CCND2: variants seen among roughly 807,000 people sequenced by gnomAD.
CCND2 encodes G1/S-specific cyclin-D2.
Under a neutral mutation model 30.2 loss-of-function variants are expected in CCND2, and 6 were observed. The ratio of observed to expected loss-of-function variants is 0.20; its 90% CI spans 0.11 to 0.39. CCND2 has a LOEUF of 0.39. Ranked by LOEUF, CCND2 falls within the 10% of genes least tolerant of loss-of-function variation. CCND2 has a pLI of 1.00. For synonymous variants in CCND2, 150 were observed against 153.1 expected (o/e 0.98, Z 0.15); for missense variants, 235 against 373.4 (o/e 0.63, Z 3.06).
chr12:4,297,230 G>T (rs1864182327), intron 4 of CCND2, among the ~76,000 whole-genome samples: 1 of 152,060 alleles, frequency 6.6e-6, no homozygotes, highest in Non-Finnish European at 1.5e-5. Context: ...AGATTATTAG[G>T]ATTTAAGGTT....
chr12:4,299,309 G>A lies in CCND2; in HGVS notation c.721-551G>A, dbSNP rs1414341677. On this transcript the variant is annotated intron_variant, in intron 4 of 4. Coordinates refer to ENST00000261254, the MANE Select transcript of CCND2 (RefSeq NM_001759.4). This position sits in a 1 kb window ranked among gnomAD's most constrained non-coding sequence, Gnocchi z 5.2. ...CGGAAGGTGGAGGTTGCAGTGAGCC[G>A]AGATTGTGCCAGTGCACTCCAGCCT... Among the ~76,000 whole-genome samples, 8 of 152,186 alleles carry A rather than the reference G, an allele frequency of 5.3e-5. No homozygotes were observed. Among genetic ancestry groups the A allele is most frequent in the Admixed American group, 3.3e-4 (5 of 15,284 alleles).
rs1424002306 is a variant in CCND2, at chr12:4,303,048, A to G, written c.*3039A>G. The stretch of plus-strand genomic sequence containing the variant: ...AGCCTAAAGAGAAACCGAGGTGCAA[A>G]TTCATTTCATGGTGACTGACCCTTG... On this transcript the variant is annotated 3_prime_UTR_variant, in exon 5 of 5. Coordinates refer to ENST00000261254, the MANE Select transcript of CCND2 (RefSeq NM_001759.4). This position sits in a 1 kb window ranked among gnomAD's most constrained non-coding sequence, Gnocchi z 4.6. 4.3e-6 allele frequency: 1 copy of G among 233,184 alleles called. No individual in the cohort carries two copies. The allele number at this position is 233,184 out of a possible 1,614,324, so 14.4% of individuals were successfully genotyped here.
In CCND2 at chr12:4,305,266, T is replaced by C. The variant is rs538924803; in HGVS notation, c.*5257T>C. ...GTGATTTAAAAAAATAATAACCTGT[T>C]TTCTGACTAGTTTAAAGATGGATTT... On this transcript the variant is annotated 3_prime_UTR_variant, in exon 5 of 5. Coordinates refer to ENST00000261254, the MANE Select transcript of CCND2 (RefSeq NM_001759.4). This position sits in a 1 kb window ranked among gnomAD's most constrained non-coding sequence, Gnocchi z 6.4. 8.6e-6 allele frequency: 2 copies of C among 231,590 alleles called. No individual in the cohort carries two copies. Among genetic ancestry groups the C allele is most frequent in the Admixed American group, 1.1e-4 (2 of 17,764 alleles). The allele number at this position is 231,590 out of a possible 1,614,324, so 14.3% of individuals were successfully genotyped here. A position where few individuals can be genotyped will look rare whatever the true frequency, so the allele number is the denominator to read the frequency against.
rs953193727 is a variant in CCND2, at chr12:4,287,770, G to C, written c.572-1072G>C. ...ATGTGGTGGTCATTGGTAGCTGTCA[G>C]CAGCTGTAACAGGAGAAGTTGGCTG... On this transcript the variant is annotated intron_variant, in intron 3 of 4. Transcript: ENST00000261254. This position sits in a 1 kb window ranked among gnomAD's most constrained non-coding sequence, Gnocchi z 4.0. Among the ~76,000 whole-genome samples the C allele has an allele frequency of 6.6e-6, 1 of 152,236 alleles. No individual in the cohort carries two copies. Among genetic ancestry groups the C allele is most frequent in the African/African-American group, 2.4e-5 (1 of 41,456 alleles).
At position 4,274,061 on chromosome 12, in the gene CCND2, G is replaced by C; in HGVS notation, c.21G>C (p.Glu7Asp). The change falls in exon 1 of 5, where the codon GAG (glutamate) becomes GAC (aspartate). Residue 7 changes from glutamate (E) to aspartate (D), a missense_variant. Coordinates refer to ENST00000261254, the MANE Select transcript of CCND2 (RefSeq NM_001759.4). The surrounding 1 kb of genome is among the most constrained non-coding windows in gnomAD (Gnocchi z 7.7). MELLCH[E>D]VDPVRRAVRD... ...TGGCCATGGAGCTGCTGTGCCACGA[G>C]GTGGACCCGGTCCGCAGGGCCGTGC... 1 of 1,612,462 alleles carries C rather than the reference G, an allele frequency of 6.2e-7. No homozygotes were observed. The highest frequency in any genetic ancestry group is 8.5e-7 in the Non-Finnish European group (1 of 1,179,424).
chr12:4,300,852 C>G lies in CCND2; in HGVS notation c.*843C>G, dbSNP rs1207229669. The G allele has an allele frequency of 1.7e-5, 4 of 233,546 alleles. No homozygotes were observed. Among genetic ancestry groups the G allele is most frequent in the Admixed American group, 5.6e-5 (1 of 17,778 alleles). 14.5% of individuals were successfully genotyped at this position (233,546 alleles called of 1,614,324 possible). The stretch of plus-strand genomic sequence containing the variant: ...GGTGGGATCCAGAATGGAGTCTTTT[C>G]TGTTATTGTATTTAAAAGGGTAATG... On this transcript the variant is annotated 3_prime_UTR_variant, in exon 5 of 5. Coordinates refer to ENST00000261254, the MANE Select transcript of CCND2 (RefSeq NM_001759.4).
intron 4 of CCND2, 60 bp downstream of exon 4, chr12:4,289,050 G>A: frequency 1.4e-6 from 2 of 1,480,318 alleles, no homozygotes; most frequent in South Asian, 2.6e-5. Flanking sequence ...CAGGGAAGGA[G>A]ACGACGGATT....
intron 3 of CCND2, among the ~76,000 whole-genome samples, 158 bp from the exon 4 acceptor site, chr12:4,288,684 T>C (rs1333399561): frequency 6.6e-6 from 1 of 152,146 alleles, no homozygotes; most frequent in African/African-American, 2.4e-5. Context: ...AAACACAGGC[T>C]CCTTGTGAAA....
chr12:4,302,536 C>T lies in CCND2; in HGVS notation c.*2527C>T, dbSNP rs1455971664. On this transcript the variant is annotated 3_prime_UTR_variant, in exon 5 of 5. Transcript: ENST00000261254. The stretch of plus-strand genomic sequence containing the variant: ...TGCAGGTTTCCTAGGTCTGAATCTG[C>T]GAGTAGATGAACCTGCAGCAAGCAG... 2 of 232,744 alleles carry T rather than the reference C, an allele frequency of 8.6e-6. No individual in the cohort carries two copies. The highest frequency in any genetic ancestry group is 2.2e-5 in the African/African-American group (1 of 45,294). 14.4% of individuals were successfully genotyped at this position (232,744 alleles called of 1,614,324 possible). A position where few individuals can be genotyped will look rare whatever the true frequency, so the allele number is the denominator to read the frequency against.
chr12:4,305,070 A>G lies in CCND2; in HGVS notation c.*5061A>G, dbSNP rs189733699. 2.6e-5 allele frequency: 6 copies of G among 231,742 alleles called. No homozygotes were observed. The highest frequency in any genetic ancestry group is 1.2e-4 in the East Asian group (2 of 16,458). 14.4% of individuals were successfully genotyped at this position (231,742 alleles called of 1,614,324 possible). A position where few individuals can be genotyped will look rare whatever the true frequency, so the allele number is the denominator to read the frequency against. On this transcript the variant is annotated 3_prime_UTR_variant, in exon 5 of 5. Transcript: ENST00000261254. The surrounding 1 kb of genome is among the most constrained non-coding windows in gnomAD (Gnocchi z 6.4). ...ATGTTATTCTCTCACAGTGTACTCT[A>G]TAAGAGGTGTGGGTGTCTGTTTGGT...
chr12:4,291,235 T>TGTGTGTGTGTG (rs1555088220), intron 4 of CCND2, among the ~76,000 whole-genome samples: 1 of 11,850 alleles, frequency 8.4e-5, no homozygotes, highest in African/African-American at 1.9e-4. Context: ...GTGTGTGTGT[T>TGTGTGTGTGTG]TATGCACCTT....
chr12:4,277,144 G>A (rs947284084), intron 2 of CCND2, among the ~76,000 whole-genome samples: 3 of 152,232 alleles, frequency 2.0e-5, no homozygotes, highest in African/African-American at 7.2e-5. Flanking sequence ...GCACAAGGTT[G>A]GGGGAGGAAT....
In CCND2 at chr12:4,274,325, C is replaced by A. The variant is rs1467133765; in HGVS notation, c.195+90C>A. ...AGCCCTAAACCTGGGAGAGGGCAAT[C>A]CCCGCGCCGGCCTCCCGGCTCCTGT... is the stretch of plus-strand genomic sequence containing the variant. On this transcript the variant is annotated intron_variant, in intron 1 of 4. Coordinates refer to ENST00000261254, the MANE Select transcript of CCND2 (RefSeq NM_001759.4). This position sits in a 1 kb window ranked among gnomAD's most constrained non-coding sequence, Gnocchi z 7.7. 2.2e-6 allele frequency: 3 copies of A among 1,393,966 alleles called. No homozygotes were observed. The highest frequency in any genetic ancestry group is 2.9e-5 in the African/African-American group (2 of 70,010). The allele number at this position is 1,393,966 out of a possible 1,614,324, so 86.3% of individuals were successfully genotyped here.
intron 4 of CCND2, chr12:4,297,886 G>T (rs1198806874): frequency 2.2e-6 from 1 of 446,884 alleles, no homozygotes; most frequent in Non-Finnish European, 4.5e-6. Context: ...GTGGCACGGA[G>T]ACTCCTGCTG....
In CCND2 at chr12:4,301,392, A is replaced by C. The variant is rs530978395; in HGVS notation, c.*1383A>C. ...ATTGTTGTTGTTAATTTTATTGCAA[A>C]GTTGTATTCAGCGTACTTGAATTTT... is the stretch of plus-strand genomic sequence containing the variant. On this transcript the variant is annotated 3_prime_UTR_variant, in exon 5 of 5. Coordinates refer to ENST00000261254, the MANE Select transcript of CCND2 (RefSeq NM_001759.4). 8.6e-6 allele frequency: 2 copies of C among 232,196 alleles called. No homozygotes were observed. Among genetic ancestry groups the C allele is most frequent in the Non-Finnish European group, 1.7e-5 (2 of 117,788 alleles). The allele number at this position is 232,196 out of a possible 1,614,324, so 14.4% of individuals were successfully genotyped here.
chr12:4,276,929 G>C lies in CCND2; in HGVS notation c.411+709G>C, dbSNP rs1039623777. ...CGACCATATTGCAGCTGTACCGCAT[G>C]GAATAGCGGCTCCAAGGCCCACCTT... On this transcript the variant is annotated intron_variant, in intron 2 of 4. Transcript: ENST00000261254. This position sits in a 1 kb window ranked among gnomAD's most constrained non-coding sequence, Gnocchi z 4.8. Among the ~76,000 whole-genome samples the C allele has an allele frequency of 6.6e-6, 1 of 152,216 alleles. No homozygotes were observed. Among genetic ancestry groups the C allele is most frequent in the Non-Finnish European group, 1.5e-5 (1 of 68,042 alleles).
intron 3 of CCND2, among the ~76,000 whole-genome samples, chr12:4,283,677 A>G (rs1022436759): frequency 6.6e-6 from 1 of 152,258 alleles, no homozygotes; most frequent in Non-Finnish European, 1.5e-5. Context: ...CTGTGGGTCC[A>G]GCTGGGATTC....
chr12:4,290,913 C>T (rs1309167902), intron 4 of CCND2, among the ~76,000 whole-genome samples: 5 of 152,188 alleles, frequency 3.3e-5, no homozygotes, highest in Admixed American at 3.3e-4. Flanking sequence ...GGGGTGTCCT[C>T]CTATAAATCC....
At chr12:4,277,490 G>A (rs1863890648) in intron 2 of CCND2, among the ~76,000 whole-genome samples, 1 of 152,204 alleles carries the variant, frequency 6.6e-6, no homozygotes. Flanking sequence ...GAGAGAGCAG[G>A]AAAAATCATC....
Sources: allele counts gnomAD v4.1 joint callset (sites outside exome capture counted in the v4.1 genomes callset), GRCh38; gene constraint gnomAD v4.1.1; non-coding constraint Gnocchi (gnomAD v3.1); transcripts MANE v1.5; gene names NCBI Gene and HGNC (gene_info 2026-07-23, HGNC 2026-07-21).